ANGPT1: variants seen among roughly 807,000 people sequenced by gnomAD.
ANGPT1 encodes angiopoietin-1.
A neutral mutation model predicts 62.2 loss-of-function variants in ANGPT1; 17 were observed. The ratio of observed to expected loss-of-function variants is 0.27; its 90% CI spans 0.19 to 0.41. The LOEUF (loss-of-function observed/expected upper bound fraction) is 0.41. Ranked by LOEUF, ANGPT1 falls within the 10% of genes least tolerant of loss-of-function variation. The pLI is 1.00. For synonymous variants in ANGPT1, 199 were observed against 198.9 expected (o/e 1.00, Z 0.00); for missense variants, 478 against 594.9 (o/e 0.80, Z 2.04).
intron 1 of ANGPT1, among the ~76,000 whole-genome samples, chr8:107,481,248 A>T (rs1158390955): frequency 6.6e-6 from 1 of 152,110 alleles, no homozygotes; most frequent in Non-Finnish European, 1.5e-5. Flanking sequence ...AAAATCTGTA[A>T]AAGGGGCCAG....
intron 1 of ANGPT1, among the ~76,000 whole-genome samples, chr8:107,490,857 A>G (rs1417156275): frequency 1.3e-5 from 2 of 152,254 alleles, no homozygotes; most frequent in African/African-American, 2.4e-5. Flanking sequence ...TTGTTCTTCA[A>G]TAAAGCTTTA....
intron 1 of ANGPT1, among the ~76,000 whole-genome samples, chr8:107,388,821 A>G (rs962928151): frequency 2.0e-5 from 3 of 152,178 alleles, no homozygotes; most frequent in African/African-American, 7.2e-5. Context: ...TCTGCAATGT[A>G]TGGATCAAAT....
At chr8:107,405,558 G>A (rs1459373299) in intron 1 of ANGPT1, among the ~76,000 whole-genome samples, 1 of 151,754 alleles carries the variant, frequency 6.6e-6, no homozygotes, top group African/African-American at 2.4e-5. Context: ...TACCCTTCAG[G>A]CTCTGTTTAT....
At chr8:107,395,314 G>T (rs958213080) in intron 1 of ANGPT1, among the ~76,000 whole-genome samples, 1 of 152,150 alleles carries the variant, frequency 6.6e-6, no homozygotes, top group Non-Finnish European at 1.5e-5. Flanking sequence ...CTACATGTGA[G>T]TATAGACTAT....
chr8:107,298,833 A>G (rs888794396), intron 5 of ANGPT1, among the ~76,000 whole-genome samples: 2 of 151,724 alleles, frequency 1.3e-5, no homozygotes, highest in African/African-American at 4.8e-5. Flanking sequence ...TTGCCTTGAG[A>G]TTCTTACCCT....
At chr8:107,324,082 G>A (rs1815222021) in intron 3 of ANGPT1, among the ~76,000 whole-genome samples, 1 of 150,996 alleles carries the variant, frequency 6.6e-6, no homozygotes, top group African/African-American at 2.4e-5. Flanking sequence ...CCCGGCCAGT[G>A]TCAGGTACTG....
chr8:107,431,059 C>G (rs187879382), intron 1 of ANGPT1, among the ~76,000 whole-genome samples: 3 of 152,182 alleles, frequency 2.0e-5, no homozygotes, highest in African/African-American at 7.2e-5. Flanking sequence ...TTTAACCTCT[C>G]AAAACCTCAC....
chr8:107,415,679 G>T (rs146966732), intron 1 of ANGPT1, among the ~76,000 whole-genome samples: 1 of 152,282 alleles, frequency 6.6e-6, no homozygotes, highest in African/African-American at 2.4e-5. Flanking sequence ...AGGTAAAGGT[G>T]ATCCAGTAAA....
chr8:107,300,022 T>C (rs953731395), intron 5 of ANGPT1, among the ~76,000 whole-genome samples: 1 of 140,708 alleles, frequency 7.1e-6, no homozygotes, highest in African/African-American at 2.6e-5. Flanking sequence ...TCTAGATATG[T>C]AGTTATATCT....
intron 1 of ANGPT1, among the ~76,000 whole-genome samples, chr8:107,428,721 G>A (rs1327003194): frequency 6.6e-6 from 1 of 151,966 alleles, no homozygotes; most frequent in African/African-American, 2.4e-5. Context: ...TTTTAAGCAA[G>A]GACACGTTGA....
intron 4 of ANGPT1, among the ~76,000 whole-genome samples, chr8:107,312,856 C>T (rs1178540706): frequency 2.6e-5 from 4 of 152,024 alleles, no homozygotes; most frequent in African/African-American, 9.7e-5. Flanking sequence ...CCTTCTAAAC[C>T]ACCATGCCTG....
intron 1 of ANGPT1, among the ~76,000 whole-genome samples, chr8:107,369,203 C>T (rs1296337994): frequency 6.6e-6 from 1 of 152,136 alleles, no homozygotes; most frequent in Non-Finnish European, 1.5e-5. Context: ...TCACCTTGCC[C>T]TTTTATGTTA....
At chr8:107,430,209 A>T (rs1043980241) in intron 1 of ANGPT1, among the ~76,000 whole-genome samples, 3 of 152,246 alleles carry the variant, frequency 2.0e-5, no homozygotes, top group African/African-American at 7.2e-5. Flanking sequence ...TTTCACAAGA[A>T]TTCTGAATAT....
chr8:107,354,473 T>G (rs902157774), intron 1 of ANGPT1, among the ~76,000 whole-genome samples: 4 of 152,192 alleles, frequency 2.6e-5, no homozygotes, highest in Admixed American at 2.0e-4. Flanking sequence ...TCATTTCTAA[T>G]GACTCATGAA....
intron 1 of ANGPT1, among the ~76,000 whole-genome samples, chr8:107,382,044 G>A (rs1237982253): frequency 3.3e-5 from 5 of 152,210 alleles, no homozygotes; most frequent in Admixed American, 1.3e-4. Flanking sequence ...TATTGACTCC[G>A]TTATTTCTTC....
chr8:107,472,636 C>T (rs556281325), intron 1 of ANGPT1, among the ~76,000 whole-genome samples: 1 of 151,964 alleles, frequency 6.6e-6, no homozygotes, highest in South Asian at 2.1e-4. Context: ...CTCATAAAAC[C>T]ACTATAGGAA....
intron 3 of ANGPT1, among the ~76,000 whole-genome samples, chr8:107,324,134 C>G (rs533054937): frequency 6.8e-6 from 1 of 146,998 alleles, no homozygotes; most frequent in African/African-American, 2.6e-5. Context: ...CCTGCCCATG[C>G]TTGCCCCCCA....
chr8:107,295,935 A>T (rs1300289963), intron 5 of ANGPT1, among the ~76,000 whole-genome samples: 1 of 152,124 alleles, frequency 6.6e-6, no homozygotes, highest in Non-Finnish European at 1.5e-5. Context: ...AGGTATGATG[A>T]TCATCTCCAT....
intron 5 of ANGPT1, among the ~76,000 whole-genome samples, chr8:107,300,570 A>C (rs1049960134): frequency 5.3e-5 from 8 of 151,926 alleles, no homozygotes; most frequent in African/African-American, 1.4e-4. Flanking sequence ...AAATCTAACA[A>C]TAGTCCTGAC....
Sources: allele counts gnomAD v4.1 joint callset (sites outside exome capture counted in the v4.1 genomes callset), GRCh38; gene constraint gnomAD v4.1.1; transcripts MANE v1.5; gene names NCBI Gene and HGNC (gene_info 2026-07-23, HGNC 2026-07-21).